PIGU: variants seen among roughly 807,000 people sequenced by gnomAD.
PIGU encodes the protein phosphatidylinositol glycan anchor biosynthesis class U, also known as GPI-anchor transamidase component PIGU.
Under a neutral mutation model 49.9 loss-of-function variants are expected in PIGU, and 24 were observed. The ratio of observed to expected loss-of-function variants is 0.48; its 90% CI spans 0.35 to 0.68. PIGU has a LOEUF of 0.68. PIGU is among the 30% of genes least tolerant of loss of function. The pLI is 0.01. For synonymous variants in PIGU, 220 were observed against 205.7 expected (o/e 1.07, Z -0.59); for missense variants, 490 against 532.6 (o/e 0.92, Z 0.79).
At chr20:34,588,401 G>A in intron 8 of PIGU, 52 bp downstream of exon 8, 1 of 1,526,612 alleles carries the variant, frequency 6.6e-7, no homozygotes, top group Admixed American at 1.8e-5. Flanking sequence ...AGTATACAAG[G>A]GTTCCCTTTT....
chr20:34,588,745 T>A (rs2146713231), intron 7 of PIGU, 138 bp from the exon 8 acceptor site: 1 of 771,506 alleles, frequency 1.3e-6, no homozygotes, highest in Non-Finnish European at 2.0e-6. Flanking sequence ...TTTAATTAAC[T>A]AAGAAGGATG....
At chr20:34,569,406 T>C (rs765075706) in intron 11 of PIGU, among the ~76,000 whole-genome samples, 2 of 152,014 alleles carry the variant, frequency 1.3e-5, no homozygotes, top group Non-Finnish European at 2.9e-5. Flanking sequence ...AGTTTTGTAT[T>C]TTTTTGTAGA....
chr20:34,617,557 C>T (rs1031732278), intron 6 of PIGU, among the ~76,000 whole-genome samples: 3 of 152,210 alleles, frequency 2.0e-5, no homozygotes, highest in African/African-American at 4.8e-5. Flanking sequence ...AATGCCTATA[C>T]CCCCATTGTA....
In PIGU at chr20:34,661,972, T is replaced by C. The variant is rs531559551; in HGVS notation, c.131-4728A>G. Among the ~76,000 whole-genome samples, 7 of 152,356 alleles carry C rather than the reference T, an allele frequency of 4.6e-5. No homozygotes were observed. The East Asian group carries it at 1.3e-3, about 29-fold the overall frequency. On this transcript the variant is annotated intron_variant, in intron 1 of 11. Transcript: ENST00000217446. ...ATAGTATCTCATTGTGGTTTTGATT[T>C]GCATTTCTCTAATGACTAATTATGT...
At position 34,592,081 on chromosome 20, in the gene PIGU, C is replaced by T. The variant is rs192398846; in HGVS notation, c.628-3474G>A. On this transcript the variant is annotated intron_variant, in intron 7 of 11. Coordinates refer to ENST00000217446, the MANE Select transcript of PIGU (RefSeq NM_080476.5). The stretch of plus-strand genomic sequence containing the variant: ...TTGGGCGCCTGTAGTCCCAGCTACT[C>T]GGGAGGCTGAGGCAGGAGAATGGCG... Among the ~76,000 whole-genome samples, 264 of 151,110 alleles carry T rather than the reference C, an allele frequency of 1.7e-3. 1 individual carries two copies. The highest frequency in any genetic ancestry group is 3.5e-3 in the Middle Eastern group (1 of 284).
At position 34,676,953 on chromosome 20, in the gene PIGU, C is replaced by CA; in HGVS notation, c.130+2dup. The stretch of plus-strand genomic sequence containing the variant: ...GACAGTCTGCTCGAGCCAGTGGCCT[C>CA]ACCTCTCTTCCAAGAGCTCAGTGGG... On this transcript the variant is annotated splice_region_variant and intron_variant, in intron 1 of 11. Transcript: ENST00000217446. The CA allele has an allele frequency of 6.4e-7, 1 of 1,568,488 alleles. No homozygotes were observed. Among genetic ancestry groups the CA allele is most frequent in the South Asian group, 1.2e-5 (1 of 85,300 alleles).
intron 4 of PIGU, among the ~76,000 whole-genome samples, chr20:34,641,311 T>C (rs536191396): frequency 6.6e-6 from 1 of 152,288 alleles, no homozygotes; most frequent in African/African-American, 2.4e-5. Context: ...ACTCCACCCC[T>C]GTCCCTACTC....
At chr20:34,611,474 G>A (rs901775815) in intron 7 of PIGU, among the ~76,000 whole-genome samples, 5 of 151,482 alleles carry the variant, frequency 3.3e-5, no homozygotes, top group East Asian at 1.9e-4. Flanking sequence ...GTGAAACCCC[G>A]TCTCTACTAA....
chr20:34,576,695 C>T (rs1333092779), intron 10 of PIGU, among the ~76,000 whole-genome samples: 2 of 152,184 alleles, frequency 1.3e-5, no homozygotes, highest in African/African-American at 4.8e-5. Context: ...GATCATATCT[C>T]ACTGAAGCCT....
chr20:34,602,854 C>T (rs1984478005), intron 7 of PIGU, among the ~76,000 whole-genome samples: 1 of 152,176 alleles, frequency 6.6e-6, no homozygotes, highest in Non-Finnish European at 1.5e-5. Flanking sequence ...TCCCCTCCTC[C>T]CTCCAAAGTA....
chr20:34,609,979 G>A (rs1014236517), intron 7 of PIGU, among the ~76,000 whole-genome samples: 1 of 152,166 alleles, frequency 6.6e-6, no homozygotes, highest in African/African-American at 2.4e-5. Context: ...ATCATGTGAA[G>A]GTGGACGTGT....
At chr20:34,638,772 G>A (rs929866641) in intron 4 of PIGU, among the ~76,000 whole-genome samples, 1 of 152,186 alleles carries the variant, frequency 6.6e-6, no homozygotes, top group Non-Finnish European at 1.5e-5. Context: ...GGGGTGGAAA[G>A]CTCTTGCCTT....
At chr20:34,566,138 TC>T (rs1195416624) in intron 11 of PIGU, among the ~76,000 whole-genome samples, 1 of 152,014 alleles carries the variant, frequency 6.6e-6, no homozygotes, top group Non-Finnish European at 1.5e-5. Flanking sequence ...GTTCCCTGGC[TC>T]CCCCTGCCCT....
intron 2 of PIGU, among the ~76,000 whole-genome samples, chr20:34,650,328 C>T (rs1460843771): frequency 6.6e-6 from 1 of 151,794 alleles, no homozygotes; most frequent in Non-Finnish European, 1.5e-5. Flanking sequence ...TGGAGGGCAA[C>T]GGCACAATCT....
At chr20:34,578,154 G>A (rs1983315048) in intron 10 of PIGU, among the ~76,000 whole-genome samples, 1 of 152,152 alleles carries the variant, frequency 6.6e-6, no homozygotes, top group African/African-American at 2.4e-5. Flanking sequence ...AACATTAGTG[G>A]TCTAAGAAAT....
chr20:34,607,066 T>C (rs1984642586), intron 7 of PIGU, among the ~76,000 whole-genome samples: 1 of 152,170 alleles, frequency 6.6e-6, no homozygotes, highest in Non-Finnish European at 1.5e-5. Context: ...GCCATAAATA[T>C]GTATTTTTCC....
Position 34,639,806 on chromosome 20 carries a change from T to A in PIGU, c.319-1821A>T, listed in dbSNP as rs73105091. 5.9e-3 allele frequency among the ~76,000 whole-genome samples: 896 copies of A among 152,222 alleles called. 6 individuals carry two copies. The highest frequency in any genetic ancestry group is 0.014 in the Middle Eastern group (4 of 294). ...AGTTGGCAGAGTCCAAGTTAAGCGG[T>A]GGGAATTATCAGTAAGATTTATGGT... On this transcript the variant is annotated intron_variant, in intron 4 of 11. Transcript: ENST00000217446.
At chr20:34,619,709 TTA>T (rs1985137155) in intron 6 of PIGU, among the ~76,000 whole-genome samples, 1 of 152,210 alleles carries the variant, frequency 6.6e-6, no homozygotes, top group Non-Finnish European at 1.5e-5. Context: ...AACTGACTGT[TTA>T]TGAGGCCCAA....
At position 34,637,987 on chromosome 20, in the gene PIGU, TAG is replaced by T; in HGVS notation, c.319-4_319-3del. 2 of 1,507,704 alleles carry T rather than the reference TAG, an allele frequency of 1.3e-6. No homozygotes were observed. The highest frequency in any genetic ancestry group is 2.5e-5 in the East Asian group (1 of 40,534). 93.4% of individuals were successfully genotyped at this position (1,507,704 alleles called of 1,614,324 possible). ...TAGGAGGAGTTTCTGCTTTTTAAAC[TAG>T]AAAAAAAAAAAAAAGGAAAAGATAA... On this transcript the variant is annotated splice_region_variant and splice_polypyrimidine_tract_variant and intron_variant, in intron 4 of 11. Transcript: ENST00000217446.
Sources: allele counts gnomAD v4.1 joint callset (sites outside exome capture counted in the v4.1 genomes callset), GRCh38; gene constraint gnomAD v4.1.1; transcripts MANE v1.5; gene names NCBI Gene and HGNC (gene_info 2026-07-23, HGNC 2026-07-21).